FHIT: variants seen among roughly 807,000 people sequenced by gnomAD.
FHIT encodes fragile histidine triad diadenosine triphosphatase, also known as bis(5'-adenosyl)-triphosphatase.
A neutral mutation model predicts 17.9 loss-of-function variants in FHIT; 19 were observed. The ratio of observed to expected loss-of-function variants is 1.06; its 90% CI spans 0.74 to 1.56. FHIT has a LOEUF of 1.56. Among genes scored for constraint, FHIT ranks in the 40% most tolerant of loss-of-function variants. The probability of loss-of-function intolerance (pLI) is 0.00; values close to 1 mark genes in which losing one functional copy is unlikely to be tolerated. For missense variants in FHIT, 248 were observed against 189.2 expected (o/e 1.31, Z -1.82); for synonymous variants, 81 against 69.7 (o/e 1.16, Z -0.81).
rs59137290 is a variant in FHIT, at chr3:60,526,137, T to TACACACACAC, written c.103+10713_103+10722dup. Among the ~76,000 whole-genome samples, 588 of 148,154 alleles carry TACACACACAC rather than the reference T, an allele frequency of 4.0e-3. 3 individuals are homozygous for TACACACACAC. The highest frequency in any genetic ancestry group is 0.014 in the African/African-American group (553 of 40,006). On this transcript the variant is annotated intron_variant, in intron 5 of 9. Coordinates refer to ENST00000492590, the MANE Select transcript of FHIT (RefSeq NM_002012.4). ...AACACAAAATGAAACACACAACACA[T>TACACACACAC]ACACACACACACACACACACACACA...
intron 2 of FHIT, among the ~76,000 whole-genome samples, chr3:61,068,743 T>A (rs905244486): frequency 2.0e-5 from 3 of 152,094 alleles, no homozygotes; most frequent in African/African-American, 7.2e-5. Flanking sequence ...GAACCACCAA[T>A]ATAGAAAATA....
intron 3 of FHIT, among the ~76,000 whole-genome samples, chr3:61,038,806 C>G (rs1233740965): frequency 6.6e-6 from 1 of 152,108 alleles, no homozygotes; most frequent in African/African-American, 2.4e-5. Flanking sequence ...ATACAACCTG[C>G]TTGATAATTT....
chr3:60,367,307 C>T (rs1321782731), intron 5 of FHIT, among the ~76,000 whole-genome samples: 1 of 152,122 alleles, frequency 6.6e-6, no homozygotes, highest in Admixed American at 6.5e-5. Context: ...GAGCCAAGGC[C>T]CTGGGACCAA....
intron 3 of FHIT, among the ~76,000 whole-genome samples, chr3:61,030,595 CA>C (rs2032964523): frequency 1.3e-5 from 2 of 152,136 alleles, no homozygotes; most frequent in Admixed American, 1.3e-4. Flanking sequence ...TTTGTACTCA[CA>C]AAGTTTAGAT....
At chr3:60,607,281 T>C (rs1553671561) in intron 4 of FHIT, among the ~76,000 whole-genome samples, 1 of 152,022 alleles carries the variant, frequency 6.6e-6, no homozygotes, top group African/African-American at 2.4e-5. Context: ...AAGCTTTGAA[T>C]TGCCGATGAG....
At chr3:60,550,664 C>A (rs1185225054) in intron 4 of FHIT, among the ~76,000 whole-genome samples, 2 of 151,518 alleles carry the variant, frequency 1.3e-5, no homozygotes, top group African/African-American at 2.4e-5. Flanking sequence ...CTCATTCTCA[C>A]CAGTTTCTTC....
At chr3:60,530,307 A>T (rs983997479) in intron 5 of FHIT, among the ~76,000 whole-genome samples, 1 of 152,204 alleles carries the variant, frequency 6.6e-6, no homozygotes, top group Non-Finnish European at 1.5e-5. Context: ...CTAGAGACCA[A>T]CATGTACATG....
At chr3:60,290,692 C>T (rs145906900) in intron 5 of FHIT, among the ~76,000 whole-genome samples, 2 of 152,272 alleles carry the variant, frequency 1.3e-5, no homozygotes, top group South Asian at 2.1e-4. Context: ...TCATTCACTG[C>T]ATTACACTGT....
At chr3:60,536,163 C>G (rs906196804) in intron 5 of FHIT, 1 of 152,128 alleles carries the variant, frequency 6.6e-6, no homozygotes, top group Non-Finnish European at 1.5e-5. Context: ...CCAAGCATTT[C>G]ACCAATACTT....
chr3:60,781,423 A>G (rs963373331), intron 4 of FHIT, among the ~76,000 whole-genome samples: 1 of 152,210 alleles, frequency 6.6e-6, no homozygotes, highest in Admixed American at 6.5e-5. Flanking sequence ...ACCATTGACA[A>G]TATAGGACAA....
chr3:60,221,134 C>A (rs1227956942), intron 5 of FHIT, among the ~76,000 whole-genome samples: 1 of 152,126 alleles, frequency 6.6e-6, no homozygotes, highest in Non-Finnish European at 1.5e-5. Context: ...GTGTATTCAG[C>A]TGGTCCCAAA....
intron 4 of FHIT, among the ~76,000 whole-genome samples, chr3:60,687,985 C>T (rs570871466): frequency 1.4e-4 from 21 of 150,116 alleles, no homozygotes; most frequent in African/African-American, 4.2e-4. Flanking sequence ...TTTTTAATTT[C>T]GCTTCTGCCT....
chr3:60,036,055 A>G (rs147724338), intron 5 of FHIT, among the ~76,000 whole-genome samples: 6 of 152,326 alleles, frequency 3.9e-5, no homozygotes, highest in African/African-American at 1.4e-4. Flanking sequence ...GGAAGAGAAA[A>G]CTGCAGGGTC....
At chr3:60,768,608 A>C (rs1699930407) in intron 4 of FHIT, among the ~76,000 whole-genome samples, 1 of 152,240 alleles carries the variant, frequency 6.6e-6, no homozygotes. Context: ...TTTTTGATTC[A>C]GTGAATACCA....
chr3:61,218,161 C>A (rs1036713188), intron 1 of FHIT, among the ~76,000 whole-genome samples: 1 of 151,976 alleles, frequency 6.6e-6, no homozygotes, highest in African/African-American at 2.4e-5. Context: ...TGTGACTGTC[C>A]AGGGAGTCAG....
chr3:60,299,526 A>C (rs1471958683), intron 5 of FHIT, among the ~76,000 whole-genome samples: 1 of 152,158 alleles, frequency 6.6e-6, no homozygotes, highest in Non-Finnish European at 1.5e-5. Context: ...TATGGAAAAA[A>C]TATGATGCCA....
At chr3:60,161,745 G>C (rs371618711) in intron 5 of FHIT, among the ~76,000 whole-genome samples, 2 of 152,092 alleles carry the variant, frequency 1.3e-5, no homozygotes, top group Admixed American at 1.3e-4. Flanking sequence ...GTGCCTCTAT[G>C]TCTACTACAT....
intron 5 of FHIT, among the ~76,000 whole-genome samples, chr3:60,522,314 T>G (rs1436363705): frequency 6.6e-6 from 1 of 152,154 alleles, no homozygotes; most frequent in African/African-American, 2.4e-5. Flanking sequence ...TTTCACCATG[T>G]TGGCCAGGCT....
intron 8 of FHIT, among the ~76,000 whole-genome samples, chr3:59,758,222 C>T (rs918934638): frequency 1.3e-4 from 20 of 152,154 alleles, no homozygotes; most frequent in African/African-American, 3.4e-4. Flanking sequence ...GGAACAGCTT[C>T]GTTAAACACA....
Sources: allele counts gnomAD v4.1 joint callset (sites outside exome capture counted in the v4.1 genomes callset), GRCh38; gene constraint gnomAD v4.1.1; transcripts MANE v1.5; gene names NCBI Gene and HGNC (gene_info 2026-07-23, HGNC 2026-07-21).